The following NPC1 variants were observed in gnomAD, a reference collection of about 807,000 sequenced individuals.
NPC1 encodes NPC intracellular cholesterol transporter 1, also known as Niemann-Pick C1 protein.
NPC1 carries 85 observed loss-of-function variants against 140.4 expected under a neutral mutation model. That is an observed-to-expected ratio of 0.61 (90% CI 0.51 to 0.72). NPC1 has a LOEUF of 0.72. Among genes scored for constraint, NPC1 ranks in the 30% least tolerant of loss-of-function variants. NPC1 has a pLI of 0.00. For missense variants in NPC1, 1,504 were observed against 1,623.8 expected, an observed-to-expected ratio of 0.93 and a Z score of 1.27; for synonymous variants, 656 against 624.8, an observed-to-expected ratio of 1.05 and a Z score of -0.74.
At chr18:23,560,666 C>T (rs573651314) in intron 5 of NPC1, among the ~76,000 whole-genome samples, 186 bp from the exon 6 acceptor site, 1 of 152,322 alleles carries the variant, frequency 6.6e-6, no homozygotes, top group South Asian at 2.1e-4. Flanking sequence ...TAAGTTACCT[C>T]AATAAACTTG....
chr18:23,514,898 A>C (rs2057959671), intron 3 of NPC1, among the ~76,000 whole-genome samples: 1 of 152,140 alleles, frequency 6.6e-6, no homozygotes, highest in African/African-American at 2.4e-5. Context: ...CATGAGCATT[A>C]ATGTCTTGGG....
chr18:23,533,540 AGAAACCACTTTTACCAACCTGTAATT>A, intron 23 of NPC1, 23 bp from the exon 24 acceptor site: 1 of 1,612,738 alleles, frequency 6.2e-7, no homozygotes. Flanking sequence ...ATACTGTGTT[AGAAACCACTTTTACCAACCTGTAATT>A]GAACAAAAAC....
At chr18:23,530,411 ATAG>A (rs1225707044), downstream of NPC1, 4 of 1,614,250 alleles carry the variant, frequency 2.5e-6, no homozygotes, top group South Asian at 1.1e-5. Flanking sequence ...AAATGATGAA[ATAG>A]TAGAAGTTCT....
chr18:23,544,646 T>C, intron 12 of NPC1, 120 bp from the exon 13 acceptor site: 1 of 932,502 alleles, frequency 1.1e-6, no homozygotes, highest in Non-Finnish European at 1.7e-6. Flanking sequence ...GAATGTACAA[T>C]TCTGTGTTTC....
intron 9 of NPC1, 120 bp downstream of exon 9, chr18:23,554,637 AC>A: frequency 1.4e-6 from 1 of 736,502 alleles, no homozygotes; most frequent in South Asian, 1.6e-5. Flanking sequence ...TGTAAACTTC[AC>A]AGGGCAAGGT....
At chr18:23,550,638 C>T (rs969205187) in intron 10 of NPC1, among the ~76,000 whole-genome samples, 11 of 151,818 alleles carry the variant, frequency 7.2e-5, no homozygotes, top group Non-Finnish European at 1.3e-4. Flanking sequence ...CCTGCCACCA[C>T]ACCCAGCTAA....
chr18:23,539,632 G>A, intron 18 of NPC1, 162 bp from the exon 19 acceptor site: 3 of 805,360 alleles, frequency 3.7e-6, no homozygotes, highest in South Asian at 1.6e-5. Context: ...CAAAGTATTA[G>A]GTGGTAAATT....
chr18:23,558,953 A>T (rs551021647), intron 6 of NPC1, among the ~76,000 whole-genome samples: 1 of 151,754 alleles, frequency 6.6e-6, no homozygotes, highest in Admixed American at 6.6e-5. Context: ...ATTCCCACCT[A>T]TGAGTGAGAA....
intron 1 of NPC1, among the ~76,000 whole-genome samples, chr18:23,583,796 A>C (rs968291626): frequency 2.6e-5 from 4 of 152,226 alleles, no homozygotes; most frequent in Admixed American, 6.5e-5. Context: ...CCACTGGCTC[A>C]AATTTAAAAA....
chr18:23,526,903 G>A (rs2058313764), downstream of NPC1: 2 of 1,178,890 alleles, frequency 1.7e-6, no homozygotes, highest in Admixed American at 4.9e-5. Flanking sequence ...GGGTGGCTAT[G>A]TGACCCCCTA....
chr18:23,580,319 A>G (rs957408745), intron 1 of NPC1, among the ~76,000 whole-genome samples: 1 of 152,002 alleles, frequency 6.6e-6, no homozygotes, highest in African/African-American at 2.4e-5. Context: ...CTTCTGTACC[A>G]TTTAAACTCT....
rs1555637164 is a variant in NPC1 at position 23,556,407 on chromosome 18, CCTGGCTGCTGGGGGCTGACCAGAGGTCAA to C, written c.1133_1161del (p.Val378GlyfsTer9). 1.2e-6 allele frequency: 2 copies of C among 1,614,100 alleles called. No homozygotes were observed. The highest frequency in any genetic ancestry group is 4.5e-5 in the East Asian group (2 of 44,870). ...TCAAAGTACTCTTTTTCCAGGCGAG[CCTGGCTGCTGGGGGCTGACCAGAGGTCAA>C]CTGGATTGGTTGTGACCCGGACAAA... On this transcript the variant is annotated frameshift_variant, in exon 8 of 25. Coordinates refer to ENST00000269228, the MANE Select transcript of NPC1 (RefSeq NM_000271.5). LOFTEE classifies it high-confidence loss of function.
chr18:23,574,050 T>C (rs1404790592), intron 1 of NPC1, among the ~76,000 whole-genome samples: 1 of 152,072 alleles, frequency 6.6e-6, no homozygotes, highest in African/African-American at 2.4e-5. Context: ...AACACCCCAA[T>C]GTAAAGAGCG....
intron 10 of NPC1, among the ~76,000 whole-genome samples, chr18:23,549,725 T>G (rs1314984550): frequency 1.3e-5 from 2 of 151,936 alleles, no homozygotes; most frequent in Non-Finnish European, 2.9e-5. Flanking sequence ...TTCAGGTTGT[T>G]GATCTTTTTT....
chr18:23,566,572 C>T (rs527255440), intron 4 of NPC1, among the ~76,000 whole-genome samples: 4 of 108,810 alleles, frequency 3.7e-5, no homozygotes, highest in South Asian at 6.8e-4. Flanking sequence ...CAGTGAGGCC[C>T]GTCTCTTCCA....
At position 23,531,906 on chromosome 18, in the gene NPC1, G is replaced by A. The variant is rs1211697074; in HGVS notation, c.*296C>T. 3.5e-6 allele frequency: 5 copies of A among 1,442,166 alleles called. No homozygotes were observed. The highest frequency in any genetic ancestry group is 3.0e-5 in the South Asian group (2 of 67,094). The allele number at this position is 1,442,166 out of a possible 1,614,324, so 89.3% of individuals were successfully genotyped here. ...ATTGGCCTTTACAGAGTGTCAGTGA[G>A]CGGATCACATTCACAGCCATCTAGT... On this transcript the variant is annotated 3_prime_UTR_variant, in exon 25 of 25. Transcript: ENST00000269228.
Position 23,544,420 on chromosome 18 carries a change from A to T in NPC1, c.2054T>A (p.Ile685Asn). The change falls in exon 13 of 25, where the codon ATT becomes AAT. Residue 685 changes from isoleucine (I) to asparagine (N), a missense_variant. Ile to Asn is a moderately radical substitution (Grantham distance 149). Coordinates refer to ENST00000269228, the MANE Select transcript of NPC1 (RefSeq NM_000271.5). Reference protein sequence around the residue: ...FSYIGLPLTLIVIEVIPFLVL... With the variant: ...FSYIGLPLTLNVIEVIPFLVL... ...CAGGAACGGGATGACTTCAATCACA[A>T]TGAGGGTCAAGGGCAACCCAATGTA... 6.2e-7 allele frequency: 1 copy of T among 1,614,150 alleles called. No homozygotes were observed.
intron 3 of NPC1, chr18:23,507,030 T>C (rs2057733041): frequency 6.2e-7 from 1 of 1,608,434 alleles, no homozygotes; most frequent in Non-Finnish European, 8.5e-7. Context: ...AGATATTGGC[T>C]GTTCAGAGGA....
At chr18:23,550,479 C>CTTTGTTTTTTTTTTTTTTTTTTTTTTTTT (rs2058853887) in intron 10 of NPC1, among the ~76,000 whole-genome samples, 1 of 74,922 alleles carries the variant, frequency 1.3e-5, no homozygotes, top group Non-Finnish European at 2.2e-5. Flanking sequence ...TCTTACATTT[C>CTTTGTTTTTTTTTTTTTTTTTTTTTTTTT]TTTTTTTTTT....
Sources: allele counts gnomAD v4.1 joint callset (sites outside exome capture counted in the v4.1 genomes callset), GRCh38; gene constraint gnomAD v4.1.1; transcripts MANE v1.5; gene names NCBI Gene and HGNC (gene_info 2026-07-23, HGNC 2026-07-21).